The following GNAQ variants were observed in gnomAD, a reference collection of about 807,000 sequenced individuals.
GNAQ encodes the protein guanine nucleotide-binding protein G(q) subunit alpha.
GNAQ carries 8 observed loss-of-function variants against 43.9 expected under a neutral mutation model. The ratio of observed to expected loss-of-function variants is 0.18; its 90% CI spans 0.11 to 0.33. The LOEUF (loss-of-function observed/expected upper bound fraction) is 0.33. Among genes scored for constraint, GNAQ ranks in the 10% least tolerant of loss-of-function variants. The pLI is 1.00. For missense variants in GNAQ, 158 were observed against 450.8 expected, an observed-to-expected ratio of 0.35 and a Z score of 5.88; for synonymous variants, 155 against 170.7, an observed-to-expected ratio of 0.91 and a Z score of 0.71.
rs545852576 is a variant in GNAQ, at chr9:77,730,475, T to C, written c.736-1808A>G. On this transcript the variant is annotated intron_variant, in intron 5 of 6. Transcript: ENST00000286548. ...TCTGGATCCTGAATATGTCTTCTTT[T>C]TTTCTTCTGTAAAGTGTGCCAATTC... 7.2e-5 allele frequency among the ~76,000 whole-genome samples: 11 copies of C among 152,294 alleles called. No homozygotes were observed. The East Asian group carries it at 1.9e-3, about 27-fold the overall frequency.
At chr9:77,848,965 TTTCA>T (rs1352535896) in intron 2 of GNAQ, among the ~76,000 whole-genome samples, 1 of 152,178 alleles carries the variant, frequency 6.6e-6, no homozygotes, top group East Asian at 1.9e-4. Flanking sequence ...AGGACAAATG[TTTCA>T]TTGAGAAGTG....
At chr9:77,891,227 C>A (rs962100277) in intron 2 of GNAQ, among the ~76,000 whole-genome samples, 1 of 152,050 alleles carries the variant, frequency 6.6e-6, no homozygotes, top group African/African-American at 2.4e-5. Context: ...CTAAATTATT[C>A]TTTTTCTTGC....
intron 2 of GNAQ, among the ~76,000 whole-genome samples, chr9:77,889,534 G>C (rs1423119044): frequency 6.6e-6 from 1 of 151,086 alleles, no homozygotes; most frequent in Non-Finnish European, 1.5e-5. Context: ...TAAATTGCAG[G>C]GTTTTCAGAA....
intron 5 of GNAQ, among the ~76,000 whole-genome samples, chr9:77,741,194 A>C (rs958319500): frequency 3.3e-5 from 5 of 152,264 alleles, no homozygotes; most frequent in African/African-American, 1.2e-4. Context: ...ACAGCATTGA[A>C]TACTCATATG....
chr9:77,846,256 G>C (rs973793550), intron 2 of GNAQ, among the ~76,000 whole-genome samples: 4 of 152,204 alleles, frequency 2.6e-5, no homozygotes, highest in Non-Finnish European at 4.4e-5. Flanking sequence ...TGGCAAGTCA[G>C]GGCCCTCAAT....
At chr9:77,803,462 T>G (rs1443625322) in intron 3 of GNAQ, among the ~76,000 whole-genome samples, 1 of 152,184 alleles carries the variant, frequency 6.6e-6, no homozygotes, top group Non-Finnish European at 1.5e-5. Context: ...CACAATCTTC[T>G]TGATGGAAAA....
At position 77,794,702 on chromosome 9, in the gene GNAQ, T is replaced by C. The variant is rs149343431; in HGVS notation, c.606-110A>G. On this transcript the variant is annotated intron_variant, in intron 4 of 6. Transcript: ENST00000286548. The stretch of plus-strand genomic sequence containing the variant: ...GGGAAAATATTCTCTTGAATGACGA[T>C]GATCATCCAAGTCAATTCAATTAAT... 5.2e-4 allele frequency: 304 copies of C among 581,494 alleles called. 5 individuals carry two copies. The East Asian group carries it at 8.7e-3, about 17-fold the overall frequency. The allele number at this position is 581,494 out of a possible 1,614,324, so 36.0% of individuals were successfully genotyped here. A position where few individuals can be genotyped will look rare whatever the true frequency, so the allele number is the denominator to read the frequency against.
chr9:77,861,724 C>G (rs1175748388), intron 2 of GNAQ, among the ~76,000 whole-genome samples: 1 of 152,158 alleles, frequency 6.6e-6, no homozygotes, highest in Non-Finnish European at 1.5e-5. Flanking sequence ...TGCATGAGGT[C>G]AGGCATGGTG....
At chr9:77,803,270 G>A (rs965471206) in intron 3 of GNAQ, among the ~76,000 whole-genome samples, 1 of 152,152 alleles carries the variant, frequency 6.6e-6, no homozygotes, top group Non-Finnish European at 1.5e-5. Flanking sequence ...CACAGAAAGA[G>A]AAAGCATTAT....
chr9:77,976,026 G>A (rs867534314), intron 1 of GNAQ, among the ~76,000 whole-genome samples: 5 of 152,182 alleles, frequency 3.3e-5, no homozygotes, highest in African/African-American at 1.2e-4. Flanking sequence ...TGGTATAACT[G>A]ATAAGGCTTC....
chr9:77,761,595 G>A (rs1826025512), intron 5 of GNAQ, among the ~76,000 whole-genome samples: 2 of 137,426 alleles, frequency 1.5e-5, no homozygotes, highest in African/African-American at 2.7e-5. Flanking sequence ...GGGAGGTGAG[G>A]GGCGCCTCTG....
chr9:77,770,713 C>G (rs755001453), intron 5 of GNAQ, among the ~76,000 whole-genome samples: 2 of 152,148 alleles, frequency 1.3e-5, no homozygotes, highest in South Asian at 4.1e-4. Flanking sequence ...CAAGAACTTG[C>G]TATTCAGTGG....
chr9:77,773,316 G>T (rs1234146369), intron 5 of GNAQ, among the ~76,000 whole-genome samples: 3 of 152,188 alleles, frequency 2.0e-5, no homozygotes, highest in Non-Finnish European at 4.4e-5. Context: ...GTTTCCAAAT[G>T]AAAGTTATAA....
intron 1 of GNAQ, among the ~76,000 whole-genome samples, chr9:77,924,296 T>G (rs1377364090): frequency 6.6e-6 from 1 of 152,196 alleles, no homozygotes. Flanking sequence ...TTTTTTCTCA[T>G]TATCAACCAA....
intron 2 of GNAQ, among the ~76,000 whole-genome samples, chr9:77,837,081 C>T (rs541524696): frequency 2.1e-4 from 32 of 152,236 alleles, no homozygotes; most frequent in African/African-American, 7.5e-4. Context: ...AGTGGCTCTT[C>T]TTCAGGGTCT....
chr9:77,769,629 A>G (rs1447482189), intron 5 of GNAQ, among the ~76,000 whole-genome samples: 1 of 151,416 alleles, frequency 6.6e-6, no homozygotes, highest in Non-Finnish European at 1.5e-5. Context: ...TCCAACAAGA[A>G]TGACCCTTTT....
intron 1 of GNAQ, among the ~76,000 whole-genome samples, chr9:77,929,761 C>T (rs183672295): frequency 2.4e-4 from 37 of 152,142 alleles, no homozygotes; most frequent in African/African-American, 7.7e-4. Context: ...ACCCAAGAGG[C>T]GAAAGCTGCA....
chr9:77,821,865 T>C (rs1827122852), intron 2 of GNAQ, among the ~76,000 whole-genome samples: 1 of 152,114 alleles, frequency 6.6e-6, no homozygotes, highest in Non-Finnish European at 1.5e-5. Flanking sequence ...ATTAAAGATA[T>C]GCATATTCAT....
intron 2 of GNAQ, among the ~76,000 whole-genome samples, chr9:77,832,431 G>A (rs1373135194): frequency 2.0e-5 from 3 of 152,160 alleles, no homozygotes; most frequent in Non-Finnish European, 4.4e-5. Context: ...AACTGATGTG[G>A]TGCACTTGGA....
Sources: allele counts gnomAD v4.1 joint callset (sites outside exome capture counted in the v4.1 genomes callset), GRCh38; gene constraint gnomAD v4.1.1; transcripts MANE v1.5; gene names NCBI Gene and HGNC (gene_info 2026-07-23, HGNC 2026-07-21).